FBXO15: variants seen among roughly 807,000 people sequenced by gnomAD.
FBXO15 encodes F-box only protein 15.
Under a neutral mutation model 49.5 loss-of-function variants are expected in FBXO15, and 30 were observed. That is an observed-to-expected ratio of 0.61 (90% CI 0.45 to 0.82). The LOEUF is 0.82. FBXO15 is among the 40% of genes least tolerant of loss of function. FBXO15 has a pLI of 0.00. For synonymous variants in FBXO15, 250 were observed against 232.7 expected (o/e 1.07, Z -0.68); for missense variants, 591 against 631.5 (o/e 0.94, Z 0.69).
chr18:74,147,717 G>C lies in FBXO15; in HGVS notation c.69C>G (p.Ser23Arg). The change falls in exon 1 of 10, where the codon AGC (serine) becomes AGG (arginine). Residue 23 changes from serine to arginine, a missense_variant. By Grantham distance (110) the Ser-to-Arg change is moderately radical. Coordinates refer to ENST00000419743, the MANE Select transcript of FBXO15 (RefSeq NM_001142958.2). ...GCCCCCGGGCCGCGCCACCGCCCCT[G>C]CTGGGCCCGCGCAGCGTCTGGAGGC... ...WLGLQTLRGP[S>R]RGGGAARGRA... 6.5e-7 allele frequency: 1 copy of C among 1,532,748 alleles called. No homozygotes were observed. The allele number at this position is 1,532,748 out of a possible 1,614,324, so 94.9% of individuals were successfully genotyped here. A position where few individuals can be genotyped will look rare whatever the true frequency, so the allele number is the denominator to read the frequency against.
chr18:74,080,133 A>G (rs536002939), intron 9 of FBXO15, among the ~76,000 whole-genome samples: 1 of 152,348 alleles, frequency 6.6e-6, no homozygotes, highest in African/African-American at 2.4e-5. Flanking sequence ...TTTAAAAAAA[A>G]AGTTTTTAAC....
chr18:74,120,437 A>C (rs984656882), intron 8 of FBXO15, among the ~76,000 whole-genome samples: 1 of 152,244 alleles, frequency 6.6e-6, no homozygotes, highest in Non-Finnish European at 1.5e-5. Context: ...AACAAATTTC[A>C]GTCACTTTTT....
Position 74,092,757 on chromosome 18 carries a change from A to G in FBXO15, c.1139-10706T>C, listed in dbSNP as rs187070249. 5.8e-4 allele frequency among the ~76,000 whole-genome samples: 89 copies of G among 152,308 alleles called. 1 individual carries two copies. The highest frequency in any genetic ancestry group is 2.1e-3 in the African/African-American group (89 of 41,568). Reference sequence around the variant, plus strand: ...CAGGATGGAAACCTGCTGTGTCAGAAGAGCCAAAGTGTTCCCAGAATGCTG... The same window carrying G: ...CAGGATGGAAACCTGCTGTGTCAGAGGAGCCAAAGTGTTCCCAGAATGCTG... On this transcript the variant is annotated intron_variant, in intron 8 of 9. Coordinates refer to ENST00000419743, the MANE Select transcript of FBXO15 (RefSeq NM_001142958.2).
chr18:74,133,844 A>G (rs1331865937), intron 3 of FBXO15, among the ~76,000 whole-genome samples: 1 of 152,170 alleles, frequency 6.6e-6, no homozygotes, highest in Non-Finnish European at 1.5e-5. Context: ...TTAAACAACC[A>G]GCTCTAGAGC....
rs1913670065 is a variant in FBXO15 at position 74,104,665 on chromosome 18, A to G, written c.1138+18703T>C. ...CAAATAAACTACAAATCAGGATAAA[A>G]TAGACGGTAATAATGGAGAAAGAAG... On this transcript the variant is annotated intron_variant, in intron 8 of 9. Coordinates refer to ENST00000419743, the MANE Select transcript of FBXO15 (RefSeq NM_001142958.2). Among the ~76,000 whole-genome samples, 4 of 152,324 alleles carry G rather than the reference A, an allele frequency of 2.6e-5. 1 individual carries two copies. In the South Asian group the frequency reaches 8.3e-4, roughly 32 times the overall value.
At position 74,082,569 on chromosome 18, in the gene FBXO15, G is replaced by A. The variant is rs951820; in HGVS notation, c.1139-518C>T. Reference sequence around the variant, plus strand: ...GTCCGTGCACATGCCCACCTAGCTGGAGGCCAAACCCTGGCCCTCTGCTGC... The same window carrying A: ...GTCCGTGCACATGCCCACCTAGCTGAAGGCCAAACCCTGGCCCTCTGCTGC... On this transcript the variant is annotated intron_variant, in intron 8 of 9. Coordinates refer to ENST00000419743, the MANE Select transcript of FBXO15 (RefSeq NM_001142958.2). Among the ~76,000 whole-genome samples, 479 of 152,298 alleles carry A rather than the reference G, an allele frequency of 3.1e-3. 2 individuals are homozygous for A. The highest frequency in any genetic ancestry group is 0.011 in the African/African-American group (451 of 41,564).
intron 8 of FBXO15, among the ~76,000 whole-genome samples, chr18:74,090,479 C>G (rs1474728520): frequency 1.3e-5 from 2 of 152,028 alleles, no homozygotes; most frequent in Non-Finnish European, 2.9e-5. Context: ...TTTTCTAGTT[C>G]CTCCAGTTGT....
intron 8 of FBXO15, among the ~76,000 whole-genome samples, chr18:74,110,448 C>T (rs889813969): frequency 6.6e-6 from 1 of 151,446 alleles, no homozygotes; most frequent in Non-Finnish European, 1.5e-5. Context: ...ATATAAAATG[C>T]TCAATTAAAA....
chr18:74,134,024 T>C (rs1452342427), intron 3 of FBXO15, among the ~76,000 whole-genome samples: 1 of 152,132 alleles, frequency 6.6e-6, no homozygotes, highest in Admixed American at 6.5e-5. Flanking sequence ...GGAAGGGAAA[T>C]GTAGAAATTG....
At position 74,096,661 on chromosome 18, in the gene FBXO15, C is replaced by T. The variant is rs188802341; in HGVS notation, c.1139-14610G>A. On this transcript the variant is annotated intron_variant, in intron 8 of 9. Coordinates refer to ENST00000419743, the MANE Select transcript of FBXO15 (RefSeq NM_001142958.2). ...CCAAAGCAAACAAAAAAAAAAAACA[C>T]AAAAAACAAACAACAACAAAAAACA... 1.9e-3 allele frequency among the ~76,000 whole-genome samples: 278 copies of T among 148,792 alleles called. 1 individual carries two copies. Among genetic ancestry groups the T allele is most frequent in the Admixed American group, 7.8e-3 (117 of 15,012 alleles).
At position 74,125,965 on chromosome 18, in the gene FBXO15, CAA is replaced by C. The variant is rs1914690499; in HGVS notation, c.912+8_912+9del. 1 of 1,613,712 alleles carries C rather than the reference CAA, an allele frequency of 6.2e-7. No individual in the cohort carries two copies. Among genetic ancestry groups the C allele is most frequent in the Non-Finnish European group, 8.5e-7 (1 of 1,179,874 alleles). On this transcript the variant is annotated splice_region_variant and intron_variant, in intron 6 of 9. Coordinates refer to ENST00000419743, the MANE Select transcript of FBXO15 (RefSeq NM_001142958.2). The stretch of plus-strand genomic sequence containing the variant: ...AAATGACACAGTACATACAGGGACT[CAA>C]GTCTTACCTTCCACACTCCCACCAG...
chr18:74,079,368 C>T (rs984693665), intron 9 of FBXO15, among the ~76,000 whole-genome samples: 7 of 152,178 alleles, frequency 4.6e-5, no homozygotes, highest in Non-Finnish European at 1.5e-5. Flanking sequence ...TAACCACTTA[C>T]AGAGCAAGCG....
chr18:74,088,929 T>G (rs1912879188), intron 8 of FBXO15, among the ~76,000 whole-genome samples: 1 of 152,196 alleles, frequency 6.6e-6, no homozygotes, highest in Non-Finnish European at 1.5e-5. Context: ...ATAGAAGTCT[T>G]TCACCTCCCT....
intron 5 of FBXO15, among the ~76,000 whole-genome samples, chr18:74,128,466 G>A (rs1032627618): frequency 2.0e-5 from 3 of 152,212 alleles, no homozygotes; most frequent in Admixed American, 6.5e-5. Context: ...AAACCAATGG[G>A]TGGAACTGCA....
chr18:74,142,419 T>G (rs1979137579), intron 1 of FBXO15, among the ~76,000 whole-genome samples: 1 of 152,236 alleles, frequency 6.6e-6, no homozygotes, highest in Admixed American at 6.5e-5. Context: ...CTCCTAAGAC[T>G]ACCTTCACAA....
Position 74,147,779 on chromosome 18 carries a change from T to A in FBXO15, c.7A>T (p.Thr3Ser). 1 of 1,534,048 alleles carries A rather than the reference T, an allele frequency of 6.5e-7. No individual in the cohort carries two copies. The highest frequency in any genetic ancestry group is 1.2e-5 in the South Asian group (1 of 83,000). MA[T>S]GRGRILQQHW... ...TGCTGCAAGATCCGACCGCGTCCAG[T>A]CGCCATAGAGACAAGGAGTTCACCA... The change falls in exon 1 of 10, where the codon ACT becomes TCT. Residue 3 changes from threonine to serine, a missense_variant. Thr to Ser is a moderately conservative substitution (Grantham distance 58, BLOSUM62 1). Transcript: ENST00000419743.
intron 8 of FBXO15, among the ~76,000 whole-genome samples, chr18:74,121,577 G>A (rs561759903): frequency 7.2e-5 from 11 of 152,160 alleles, no homozygotes; most frequent in African/African-American, 2.2e-4. Flanking sequence ...GCCAACAAAC[G>A]CGAGAAAACC....
Position 74,073,434 on chromosome 18 carries a change from A to G in FBXO15, c.*27T>C, listed in dbSNP as rs1334378531. ...AAGCCAGTCAAAAATAAACAACTAAATAACAACAATAATTTGCCACCTACT... is the reference window on the plus strand; with the variant it reads ...AAGCCAGTCAAAAATAAACAACTAAGTAACAACAATAATTTGCCACCTACT... On this transcript the variant is annotated 3_prime_UTR_variant, in exon 10 of 10. Coordinates refer to ENST00000419743, the MANE Select transcript of FBXO15 (RefSeq NM_001142958.2). 1.9e-6 allele frequency: 3 copies of G among 1,597,522 alleles called. No homozygotes were observed. Among genetic ancestry groups the G allele is most frequent in the Non-Finnish European group, 2.6e-6 (3 of 1,171,896 alleles).
At chr18:74,109,212 C>T (rs758516073) in intron 8 of FBXO15, among the ~76,000 whole-genome samples, 1 of 152,078 alleles carries the variant, frequency 6.6e-6, no homozygotes, top group Non-Finnish European at 1.5e-5. Flanking sequence ...ATTTATACAG[C>T]CAATAGACAT....
Sources: gnomAD v4.1 joint callset for allele counts (sites outside exome capture counted in the v4.1 genomes callset) on GRCh38, gnomAD v4.1.1 for gene constraint, MANE v1.5 for transcripts, NCBI Gene and HGNC (gene_info 2026-07-23, HGNC 2026-07-21) for gene names.